The following WDTC1 variants were observed in gnomAD, a reference collection of about 807,000 sequenced individuals.
The protein encoded by WDTC1 is WD and tetratricopeptide repeats 1.
In WDTC1, 12 loss-of-function variants were observed where a neutral mutation model predicts 76.0. That is an observed-to-expected ratio of 0.16 (90% confidence interval 0.10 to 0.26). The LOEUF is 0.26. Ranked by LOEUF, WDTC1 falls within the 10% of genes least tolerant of loss-of-function variation. The pLI, the probability that WDTC1 is intolerant of heterozygous loss-of-function variation, is 1.00. For missense variants in WDTC1, 511 were observed against 908.8 expected (o/e 0.56, Z 5.63); for synonymous variants, 326 against 350.8 (o/e 0.93, Z 0.79).
At chr1:27,261,237 A>C in intron 2 of WDTC1, 135 bp downstream of exon 2, 1 of 909,100 alleles carries the variant, frequency 1.1e-6, no homozygotes, top group South Asian at 1.6e-5. Flanking sequence ...CAGACCCAGG[A>C]CTAGAATCAA....
intron 1 of WDTC1, among the ~76,000 whole-genome samples, chr1:27,236,579 T>C (rs554022666): frequency 6.6e-6 from 1 of 152,300 alleles, no homozygotes; most frequent in Non-Finnish European, 1.5e-5. Flanking sequence ...GTAAATATTA[T>C]GATGATGATG....
At chr1:27,288,003 C>A in intron 6 of WDTC1, 142 bp downstream of exon 6, 1 of 1,063,052 alleles carries the variant, frequency 9.4e-7, no homozygotes, top group Non-Finnish European at 1.3e-6. Flanking sequence ...TGTGTACAAA[C>A]TCCACTGGGA....
chr1:27,235,943 T>G (rs1315579830), intron 1 of WDTC1, among the ~76,000 whole-genome samples: 1 of 152,112 alleles, frequency 6.6e-6, no homozygotes, highest in Admixed American at 6.6e-5. Context: ...CTGGGTAAAG[T>G]GGCAGTGAAG....
At chr1:27,289,345 C>T (rs1467855120) in intron 6 of WDTC1, among the ~76,000 whole-genome samples, 2 of 147,784 alleles carry the variant, frequency 1.4e-5, no homozygotes, top group East Asian at 2.0e-4. Context: ...ACTTCTCAGA[C>T]GGGGCGGCTG....
At chr1:27,286,172 A>AT (rs532162521) in intron 5 of WDTC1, among the ~76,000 whole-genome samples, 8 of 150,642 alleles carry the variant, frequency 5.3e-5, no homozygotes, top group African/African-American at 2.0e-4. Flanking sequence ...CATCCGGCTA[A>AT]TTTTTTTTGT....
chr1:27,259,354 G>A (rs2012397936), intron 1 of WDTC1, among the ~76,000 whole-genome samples: 1 of 124,356 alleles, frequency 8.0e-6, no homozygotes, highest in Admixed American at 9.1e-5. Flanking sequence ...TTTTGGTATA[G>A]ATAAGGTCTC....
chr1:27,298,251 T>C, intron 12 of WDTC1, 140 bp downstream of exon 12: 1 of 1,071,626 alleles, frequency 9.3e-7, no homozygotes, highest in East Asian at 2.9e-5. Flanking sequence ...TTAGGGCTTC[T>C]TGGCCTCTCC....
At position 27,294,206 on chromosome 1, in the gene WDTC1, C is replaced by A. The variant is rs59211607; in HGVS notation, c.757+90C>A. On this transcript the variant is annotated intron_variant, in intron 8 of 15. Transcript: ENST00000319394. ...CAGGGAGACAGCATGGCATGGTGGT[C>A]AAGAGCAAGGGTTTTAGAGTCAGAC... 2,299 of 1,371,012 alleles carry A rather than the reference C, an allele frequency of 1.7e-3. 35 individuals carry two copies. The African/African-American group carries it at 0.029, about 17-fold the overall frequency. The allele number at this position is 1,371,012 out of a possible 1,614,324, so 84.9% of individuals were successfully genotyped here.
intron 1 of WDTC1, among the ~76,000 whole-genome samples, chr1:27,259,204 G>C (rs2012389984): frequency 6.6e-6 from 1 of 152,042 alleles, no homozygotes; most frequent in Non-Finnish European, 1.5e-5. Flanking sequence ...CTGTCACCCA[G>C]GCAGGAGTGC....
chr1:27,289,721 G>A (rs1237658297), intron 6 of WDTC1, among the ~76,000 whole-genome samples: 9 of 152,248 alleles, frequency 5.9e-5, no homozygotes, highest in Non-Finnish European at 1.0e-4. Context: ...ACGAGACTCC[G>A]TCTGCAATCC....
At chr1:27,235,739 A>G (rs2011480535) in intron 1 of WDTC1, among the ~76,000 whole-genome samples, 1 of 152,016 alleles carries the variant, frequency 6.6e-6, no homozygotes, top group African/African-American at 2.4e-5. Flanking sequence ...GAGGAGAGGT[A>G]CAGGGGCCTG....
chr1:27,259,323 C>CTTT (rs57081638), intron 1 of WDTC1, among the ~76,000 whole-genome samples: 1,223 of 106,300 alleles, frequency 0.012, 14 homozygotes, highest in East Asian at 0.019. Context: ...CCATGCCCAA[C>CTTT]TTTTTTTTTT....
intron 5 of WDTC1, among the ~76,000 whole-genome samples, chr1:27,286,849 A>T (rs2013354615): frequency 6.6e-6 from 1 of 152,056 alleles, no homozygotes; most frequent in South Asian, 2.1e-4. Flanking sequence ...GTTTTTCAGA[A>T]GCAGTCAAAC....
At chr1:27,284,159 G>A (rs1268348326) in intron 5 of WDTC1, among the ~76,000 whole-genome samples, 1 of 152,166 alleles carries the variant, frequency 6.6e-6, no homozygotes, top group Non-Finnish European at 1.5e-5. Context: ...AGAATTAAAT[G>A]TGGGCCTGAG....
intron 1 of WDTC1, among the ~76,000 whole-genome samples, chr1:27,254,792 C>T (rs1243434160): frequency 6.6e-6 from 1 of 152,108 alleles, no homozygotes; most frequent in Non-Finnish European, 1.5e-5. Flanking sequence ...ACCACCACGC[C>T]TGGCTGATTT....
At position 27,303,727 on chromosome 1, in the gene WDTC1, C is replaced by T. The variant is rs750968934; in HGVS notation, c.1575C>T (p.Asp525=). 6.2e-7 allele frequency: 1 copy of T among 1,614,150 alleles called. No individual in the cohort carries two copies. Among genetic ancestry groups the T allele is most frequent in the Non-Finnish European group, 8.5e-7 (1 of 1,179,992 alleles). ...DEMVLRERSY[D]YQFRYCGHCN... Reference sequence around the variant, plus strand: ...TGGTGCTGCGGGAGCGAAGCTACGACTATCAGTTCCGCTACTGCGGCCACT... The same window carrying T: ...TGGTGCTGCGGGAGCGAAGCTACGATTATCAGTTCCGCTACTGCGGCCACT... The change falls in exon 14 of 16, where the codon GAC becomes GAT. Residue 525 remains aspartate, a synonymous_variant. Coordinates refer to ENST00000319394, the MANE Select transcript of WDTC1 (RefSeq NM_001276252.2). The surrounding 1 kb of genome is among the most constrained non-coding windows in gnomAD (Gnocchi z 4.8).
chr1:27,301,204 C>T lies in WDTC1; in HGVS notation c.1233-22C>T, dbSNP rs558850861. 4 of 1,609,252 alleles carry T rather than the reference C, an allele frequency of 2.5e-6. No individual in the cohort carries two copies. The Admixed American group carries it at 6.7e-5, about 27-fold the overall frequency. Reference sequence around the variant, plus strand: ...CTTGCCACGTGGCTCCACCTCCAAGCCGCTCTTCCCTGCCTTCCCAGGGAT... The same window carrying T: ...CTTGCCACGTGGCTCCACCTCCAAGTCGCTCTTCCCTGCCTTCCCAGGGAT... On this transcript the variant is annotated intron_variant, in intron 12 of 15. Transcript: ENST00000319394. This position sits in a 1 kb window ranked among gnomAD's most constrained non-coding sequence, Gnocchi z 5.8.
chr1:27,258,947 G>A (rs1168671362), intron 1 of WDTC1, among the ~76,000 whole-genome samples: 1 of 152,194 alleles, frequency 6.6e-6, no homozygotes, highest in East Asian at 1.9e-4. Flanking sequence ...TCATTGGGAA[G>A]AAAGACTAAA....
At chr1:27,268,764 G>A (rs953369137) in intron 3 of WDTC1, among the ~76,000 whole-genome samples, 5 of 149,492 alleles carry the variant, frequency 3.3e-5, no homozygotes, top group Admixed American at 2.7e-4. Flanking sequence ...GCTCAGGCTG[G>A]AGTGCAGTGG....
Sources: allele counts gnomAD v4.1 joint callset (sites outside exome capture counted in the v4.1 genomes callset), GRCh38; gene constraint gnomAD v4.1.1; non-coding constraint Gnocchi (gnomAD v3.1); transcripts MANE v1.5; gene names NCBI Gene and HGNC (gene_info 2026-07-23, HGNC 2026-07-21).